The following GAS6 variants were observed in gnomAD, a reference collection of about 807,000 sequenced individuals.
The protein encoded by GAS6 is growth arrest-specific protein 6.
Under a neutral mutation model 75.8 loss-of-function variants are expected in GAS6, and 41 were observed. That is an observed-to-expected ratio of 0.54 (90% CI 0.42 to 0.70). The LOEUF is 0.70. Ranked by LOEUF, GAS6 falls within the 30% of genes least tolerant of loss-of-function variation. The pLI, the probability that GAS6 is intolerant of heterozygous loss-of-function variation, is 0.00. For missense variants in GAS6, 854 were observed against 940.2 expected (o/e 0.91, Z 1.20); for synonymous variants, 432 against 412.6 (o/e 1.05, Z -0.57).
intron 5 of GAS6, among the ~76,000 whole-genome samples, chr13:113,838,932 C>G (rs1353581247): frequency 1.3e-5 from 2 of 152,156 alleles, no homozygotes; most frequent in African/African-American, 2.4e-5. Context: ...CACTCAGCAG[C>G]CCTAGCGTTT....
intron 10 of GAS6, among the ~76,000 whole-genome samples, chr13:113,831,751 C>T (rs978364227): frequency 6.6e-5 from 10 of 151,304 alleles, no homozygotes; most frequent in African/African-American, 9.7e-5. Flanking sequence ...CAGGGGTCCC[C>T]GTCCCCCGGA....
intron 2 of GAS6, among the ~76,000 whole-genome samples, chr13:113,862,798 C>G (rs1236204610): frequency 1.3e-5 from 2 of 152,184 alleles, no homozygotes; most frequent in African/African-American, 4.8e-5. Flanking sequence ...TCCAGCAGAA[C>G]GGAAAACTTC....
intron 2 of GAS6, among the ~76,000 whole-genome samples, chr13:113,857,414 G>T (rs540930852): frequency 6.6e-6 from 1 of 152,064 alleles, no homozygotes; most frequent in African/African-American, 2.4e-5. Context: ...TTTACAAGGC[G>T]TACACACCAG....
chr13:113,863,740 G>T lies in GAS6; in HGVS notation c.90C>A (p.Ala30=), dbSNP rs1481470459. The T allele has an allele frequency of 6.7e-7, 1 of 1,491,292 alleles. No homozygotes were observed. The allele number at this position is 1,491,292 out of a possible 1,614,324, so 92.4% of individuals were successfully genotyped here. ...LLLLAAECAL[A]ALLPAREATQ... Reference sequence around the variant, plus strand: ...TGGCCTCGCGCGCCGGCAACAGCGCGGCTGCCCGGAGGGAGAGAGGGGGAC... The same window carrying T: ...TGGCCTCGCGCGCCGGCAACAGCGCTGCTGCCCGGAGGGAGAGAGGGGGAC... Residue 30 remains alanine, a splice_region_variant and synonymous_variant, in exon 2 of 15, where the codon GCC becomes GCA. Coordinates refer to ENST00000327773, the MANE Select transcript of GAS6 (RefSeq NM_000820.4). The surrounding 1 kb of genome is among the most constrained non-coding windows in gnomAD (Gnocchi z 9.4).
At chr13:113,821,290 C>G (rs948620698) in intron 14 of GAS6, 1 of 507,592 alleles carries the variant, frequency 2.0e-6, no homozygotes, top group Non-Finnish European at 3.6e-6. Context: ...TGATCTTCTT[C>G]TGTGCCCAGT....
intron 10 of GAS6, among the ~76,000 whole-genome samples, chr13:113,829,734 A>C (rs2051605657): frequency 6.7e-6 from 1 of 148,568 alleles, no homozygotes; most frequent in South Asian, 2.1e-4. Flanking sequence ...GAGGGACCTG[A>C]CCTCAGGGAG....
In GAS6 at chr13:113,864,029, C is replaced by CGCGGCG. The variant is rs565797652; in HGVS notation, c.-115_-110dup. 2.5e-3 allele frequency: 2,517 copies of CGCGGCG among 1,003,478 alleles called. 44 individuals are homozygous for CGCGGCG. The African/African-American group carries it at 0.04, about 16-fold the overall frequency. 62.2% of individuals were successfully genotyped at this position (1,003,478 alleles called of 1,614,324 possible). Reference sequence around the variant, plus strand: ...GTCCTGGCGGCCCTGAAGGTCACATCGCGGCGGCGGCGGCGGCGGCGGCTG... The same window carrying CGCGGCG: ...GTCCTGGCGGCCCTGAAGGTCACATCGCGGCGGCGGCGGCGGCGGCGGCGGCGGCTG... On this transcript the variant is annotated 5_prime_UTR_variant, in exon 1 of 15. Coordinates refer to ENST00000327773, the MANE Select transcript of GAS6 (RefSeq NM_000820.4).
At position 113,863,315 on chromosome 13, in the gene GAS6, A is replaced by C. The variant is rs1418349250; in HGVS notation, c.255+260T>G. On this transcript the variant is annotated intron_variant, in intron 2 of 14. Coordinates refer to ENST00000327773, the MANE Select transcript of GAS6 (RefSeq NM_000820.4). This position sits in a 1 kb window ranked among gnomAD's most constrained non-coding sequence, Gnocchi z 9.4. The stretch of plus-strand genomic sequence containing the variant: ...TGTTTCTCTCGCACTTTGGAAACGG[A>C]CTCCCGGCTTCCCCGCGGGGAGGCG... 6.6e-6 allele frequency among the ~76,000 whole-genome samples: 1 copy of C among 151,634 alleles called. No homozygotes were observed. The highest frequency in any genetic ancestry group is 6.6e-5 in the Admixed American group (1 of 15,266).
intron 2 of GAS6, among the ~76,000 whole-genome samples, chr13:113,854,431 C>T (rs1320243692): frequency 2.0e-5 from 3 of 152,232 alleles, no homozygotes; most frequent in African/African-American, 4.8e-5. Context: ...GCAGTGACGC[C>T]GAGACTCCCC....
Position 113,823,986 on chromosome 13 carries a change from G to C in GAS6, c.1478-436C>G, listed in dbSNP as rs2051496360. 2.0e-5 allele frequency among the ~76,000 whole-genome samples: 3 copies of C among 152,352 alleles called. No homozygotes were observed. The South Asian group carries it at 6.2e-4, about 32-fold the overall frequency. The stretch of plus-strand genomic sequence containing the variant: ...TCAGGTAGCAGCACAGGGCCCAGTG[G>C]GGGCTGAGAGTTTAAGATAGCATGC... On this transcript the variant is annotated intron_variant, in intron 12 of 14. Coordinates refer to ENST00000327773, the MANE Select transcript of GAS6 (RefSeq NM_000820.4).
chr13:113,828,251 A>AAG (rs1566356548), intron 11 of GAS6, among the ~76,000 whole-genome samples: 24 of 151,498 alleles, frequency 1.6e-4, no homozygotes, highest in African/African-American at 5.6e-4. Flanking sequence ...GCAACAGAGC[A>AAG]AGACTCCGTC....
chr13:113,834,534 G>T lies in GAS6; in HGVS notation c.834+17C>A. The T allele has an allele frequency of 6.5e-7, 1 of 1,536,772 alleles. No homozygotes were observed. The highest frequency in any genetic ancestry group is 1.2e-5 in the South Asian group (1 of 80,694). On this transcript the variant is annotated intron_variant, in intron 8 of 14. Coordinates refer to ENST00000327773, the MANE Select transcript of GAS6 (RefSeq NM_000820.4). The stretch of plus-strand genomic sequence containing the variant: ...CGGAACCACCGTGAAGGGCCCGCGG[G>T]GCCAGGGGCCGCCTACCTCACAGGT...
At chr13:113,859,843 G>C (rs1389871415) in intron 2 of GAS6, among the ~76,000 whole-genome samples, 1 of 152,048 alleles carries the variant, frequency 6.6e-6, no homozygotes, top group South Asian at 2.1e-4. Flanking sequence ...CCCACCAGGC[G>C]CCCCCACATT....
At chr13:113,830,863 G>A (rs991874901) in intron 10 of GAS6, among the ~76,000 whole-genome samples, 19 of 151,750 alleles carry the variant, frequency 1.3e-4, no homozygotes, top group South Asian at 4.2e-4. Flanking sequence ...CCTCCTCCCC[G>A]GGGCTCCATC....
At chr13:113,862,875 T>A (rs2051983559) in intron 2 of GAS6, among the ~76,000 whole-genome samples, 1 of 152,092 alleles carries the variant, frequency 6.6e-6, no homozygotes, top group Non-Finnish European at 1.5e-5. Context: ...TCTCGGACTT[T>A]CCAAAGTCAC....
chr13:113,824,348 G>A (rs1456118769), intron 12 of GAS6, among the ~76,000 whole-genome samples: 4 of 143,254 alleles, frequency 2.8e-5, no homozygotes, highest in Admixed American at 7.0e-5. Flanking sequence ...GCTGTCGGGA[G>A]CACCTGCGGT....
chr13:113,824,259 CGGTCTGGGGTCTG>C, intron 12 of GAS6, among the ~76,000 whole-genome samples: 1 of 78,638 alleles, frequency 1.3e-5, no homozygotes, highest in African/African-American at 6.1e-5. Context: ...GGAGCACCCG[CGGTCTGGGGTCTG>C]AGCTGTCGGG....
At chr13:113,832,991 CTTCCCTGCTCAT>C in intron 8 of GAS6, 1 of 1,419,922 alleles carries the variant, frequency 7.0e-7, no homozygotes. Context: ...CCGTCATCTC[CTTCCCTGCTCAT>C]TTCCCTTGAC....
At chr13:113,824,766 G>T (rs1303498564) in intron 12 of GAS6, among the ~76,000 whole-genome samples, 1 of 152,060 alleles carries the variant, frequency 6.6e-6, no homozygotes, top group Non-Finnish European at 1.5e-5. Context: ...GCTGGTACCC[G>T]CCACATCAGT....
Sources: gnomAD v4.1 joint callset for allele counts (sites outside exome capture counted in the v4.1 genomes callset) on GRCh38, gnomAD v4.1.1 for gene constraint, Gnocchi (gnomAD v3.1) non-coding constraint, MANE v1.5 for transcripts, NCBI Gene and HGNC (gene_info 2026-07-23, HGNC 2026-07-21) for gene names.